IL1RAPL2: variants seen among roughly 807,000 people sequenced by gnomAD.
The protein encoded by IL1RAPL2 is X-linked interleukin-1 receptor accessory protein-like 2.
IL1RAPL2 carries 3 observed loss-of-function variants against 44.1 expected under a neutral mutation model. That is an observed-to-expected ratio of 0.07 (90% CI 0.03 to 0.18). IL1RAPL2 has a LOEUF of 0.18. Among genes scored for constraint, IL1RAPL2 ranks in the 10% least tolerant of loss-of-function variants. The pLI is 1.00. For missense variants in IL1RAPL2, 391 were observed against 496.4 expected (o/e 0.79, Z 2.02); for synonymous variants, 181 against 178.8 (o/e 1.01, Z -0.10).
At chrX:105,398,426 T>G (rs2035580560) in intron 5 of IL1RAPL2, among the ~76,000 whole-genome samples, 1 of 111,012 alleles carries the variant, frequency 9.0e-6, no homozygotes, top group African/African-American at 3.3e-5. Context: ...TATACACAGG[T>G]TGAAGCAGGG....
intron 6 of IL1RAPL2, among the ~76,000 whole-genome samples, chrX:105,665,742 GTTTTT>G (rs1178543516): frequency 1.2e-5 from 1 of 83,722 alleles, no homozygotes; most frequent in African/African-American, 5.3e-5. Context: ...TTGTTTTTTT[GTTTTT>G]TTTTTTTTGT....
intron 8 of IL1RAPL2, among the ~76,000 whole-genome samples, chrX:105,748,709 A>C (rs766742042): frequency 5.3e-5 from 6 of 112,319 alleles, no homozygotes; most frequent in Non-Finnish European, 1.1e-4. Context: ...ATGCGTTCAA[A>C]ACGAATTGAG....
chrX:104,577,978 G>T (rs1026656585), intron 1 of IL1RAPL2, among the ~76,000 whole-genome samples: 1 of 111,533 alleles, frequency 9.0e-6, no homozygotes, highest in Non-Finnish European at 1.9e-5. Flanking sequence ...GTCATTCATG[G>T]CTATTTCTGT....
At chrX:105,365,821 G>A (rs181530437) in intron 5 of IL1RAPL2, among the ~76,000 whole-genome samples, 1 of 111,206 alleles carries the variant, frequency 9.0e-6, no homozygotes, top group Non-Finnish European at 1.9e-5. Context: ...CTGTCACCCA[G>A]GCTGGAGTGC....
chrX:105,407,426 G>A (rs982916032), intron 5 of IL1RAPL2, among the ~76,000 whole-genome samples: 1 of 111,451 alleles, frequency 9.0e-6, no homozygotes, highest in African/African-American at 3.3e-5. Context: ...TTTATGGAAA[G>A]TACAACATAT....
At chrX:105,688,018 G>T (rs917418976) in intron 6 of IL1RAPL2, among the ~76,000 whole-genome samples, 1 of 111,518 alleles carries the variant, frequency 9.0e-6, no homozygotes, top group Non-Finnish European at 1.9e-5. Context: ...ACAAAATTCA[G>T]CAGCCCTTCA....
At chrX:105,199,660 T>C (rs944974312) in intron 3 of IL1RAPL2, among the ~76,000 whole-genome samples, 7 of 111,841 alleles carry the variant, frequency 6.3e-5, no homozygotes, top group Non-Finnish European at 1.3e-4. Context: ...TTATGTCTAT[T>C]TTGGATACCA....
Position 105,767,134 on chromosome X carries a change from T to G in IL1RAPL2, c.1534T>G (p.Leu512Val). 1 of 1,210,940 alleles carries G rather than the reference T, an allele frequency of 8.3e-7. No individual in the cohort carries two copies. The highest frequency in any genetic ancestry group is 1.1e-6 in the Non-Finnish European group (1 of 894,994). Reference sequence around the variant, plus strand: ...AGTGATTTTGATTGAGTGTACAGAATTAAAAGGGAAAGTGAATTGCCAGGA... The same window carrying G: ...AGTGATTTTGATTGAGTGTACAGAAGTAAAAGGGAAAGTGAATTGCCAGGA... ...IKVILIECTE[L>V]KGKVNCQEVE... Residue 512 changes from leucine (L) to valine (V), a missense_variant, in exon 11 of 11, where the codon TTA becomes GTA. Leu to Val is a conservative substitution (Grantham distance 32). This residue lies in a region of IL1RAPL2 where 232 missense variants were observed against 244.8 expected (regional missense o/e 0.95). Coordinates refer to ENST00000372582, the MANE Select transcript of IL1RAPL2 (RefSeq NM_017416.2).
intron 2 of IL1RAPL2, among the ~76,000 whole-genome samples, chrX:104,986,947 C>T (rs1326430848): frequency 8.9e-6 from 1 of 112,189 alleles, no homozygotes; most frequent in East Asian, 2.8e-4. Flanking sequence ...CCAGTTTCAA[C>T]AAAACATTAA....
At chrX:105,754,472 G>A (rs2038621267) in intron 9 of IL1RAPL2, among the ~76,000 whole-genome samples, 1 of 112,584 alleles carries the variant, frequency 8.9e-6, no homozygotes, top group African/African-American at 3.2e-5. Context: ...TAAATGTGTG[G>A]AGGGAAAATC....
chrX:104,627,182 T>TCTCTTTAAAACATCAAGATTGA (rs2148010216), intron 1 of IL1RAPL2, among the ~76,000 whole-genome samples: 1 of 109,351 alleles, frequency 9.1e-6, no homozygotes, highest in East Asian at 2.9e-4. Context: ...TGGCTTGAAT[T>TCTCTTTAAAACATCAAGATTGA]TGTCTCTTTA....
chrX:105,363,458 G>A (rs990758904), intron 5 of IL1RAPL2, among the ~76,000 whole-genome samples: 1 of 105,421 alleles, frequency 9.5e-6, no homozygotes, highest in Non-Finnish European at 2.0e-5. Flanking sequence ...TTGGAGGTAT[G>A]CCCAGAAGTG....
chrX:105,124,344 G>A (rs960689326), intron 2 of IL1RAPL2, among the ~76,000 whole-genome samples: 15 of 110,358 alleles, frequency 1.4e-4, no homozygotes, highest in African/African-American at 3.6e-4. Flanking sequence ...TGAACATATG[G>A]TTTTGTGTAC....
At chrX:104,908,108 A>G (rs912382586) in intron 2 of IL1RAPL2, among the ~76,000 whole-genome samples, 1 of 110,183 alleles carries the variant, frequency 9.1e-6, no homozygotes, top group East Asian at 2.9e-4. Flanking sequence ...CTGTTTTATC[A>G]GAGACTAGGA....
At chrX:105,220,240 A>G (rs2033942155) in intron 3 of IL1RAPL2, 2 of 1,211,697 alleles carry the variant, frequency 1.7e-6, no homozygotes, top group Non-Finnish European at 2.2e-6. Flanking sequence ...GTCCTCCAGT[A>G]TGGCCCTCAG....
chrX:105,212,963 C>A (rs1365673148), intron 3 of IL1RAPL2, among the ~76,000 whole-genome samples: 1 of 111,889 alleles, frequency 8.9e-6, no homozygotes, highest in Non-Finnish European at 1.9e-5. Context: ...CACACAAACA[C>A]CCCATCCAAA....
At chrX:105,247,046 G>T in intron 4 of IL1RAPL2, among the ~76,000 whole-genome samples, 1 of 110,938 alleles carries the variant, frequency 9.0e-6, no homozygotes. Flanking sequence ...TTCATAAAAT[G>T]TAATATATAT....
intron 5 of IL1RAPL2, among the ~76,000 whole-genome samples, chrX:105,393,020 T>C (rs2035538044): frequency 8.9e-6 from 1 of 112,770 alleles, no homozygotes; most frequent in Non-Finnish European, 1.9e-5. Flanking sequence ...TTCTGCCTGC[T>C]GCACAGACAA....
chrX:105,670,123 A>C, intron 6 of IL1RAPL2, among the ~76,000 whole-genome samples: 1 of 45,913 alleles, frequency 2.2e-5, no homozygotes, highest in Non-Finnish European at 4.5e-5. Flanking sequence ...ATATATATAT[A>C]TATATATATA....
Sources: allele counts gnomAD v4.1 joint callset (sites outside exome capture counted in the v4.1 genomes callset), GRCh38; gene constraint gnomAD v4.1.1; regional missense constraint gnomAD v4.1.1; transcripts MANE v1.5; gene names NCBI Gene and HGNC (gene_info 2026-07-23, HGNC 2026-07-21).